Variants in ARPP21 observed in about 807,000 individuals in gnomAD.
The protein encoded by ARPP21 is cAMP regulated phosphoprotein 21, also known as cAMP-regulated phosphoprotein 21.
ARPP21 carries 69 observed loss-of-function variants against 113.2 expected under a neutral mutation model. The ratio of observed to expected loss-of-function variants is 0.61; its 90% confidence interval spans 0.50 to 0.74. ARPP21 has a LOEUF of 0.74. Among genes scored for constraint, ARPP21 ranks in the 30% least tolerant of loss-of-function variants. The pLI is 0.00. For missense variants in ARPP21, 1,070 were observed against 1,037.4 expected (o/e 1.03, Z -0.43); for synonymous variants, 368 against 375.5 (o/e 0.98, Z 0.23).
intron 8 of ARPP21, among the ~76,000 whole-genome samples, chr3:35,690,460 T>A (rs1199073952): frequency 6.6e-6 from 1 of 151,486 alleles, no homozygotes; most frequent in Admixed American, 6.6e-5. Context: ...CTGGCTGCAG[T>A]CAGTTATGCC....
intron 19 of ARPP21, among the ~76,000 whole-genome samples, chr3:35,759,007 A>T (rs2095667220): frequency 6.6e-6 from 1 of 151,996 alleles, no homozygotes; most frequent in African/African-American, 2.4e-5. Context: ...ATATATTTTA[A>T]ACTCTGGCAG....
In ARPP21 at chr3:35,640,556, T is replaced by C. The variant is rs952066586; in HGVS notation, c.-213+158T>C. 2.0e-5 allele frequency among the ~76,000 whole-genome samples: 3 copies of C among 152,166 alleles called. No individual in the cohort carries two copies. The South Asian group carries it at 6.2e-4, about 32-fold the overall frequency. ...TAGAAAGCTGATGTTGTTATACATG[T>C]ATTGTGTTTTTTATGTTTCGTCAAG... On this transcript the variant is annotated intron_variant, in intron 1 of 20. Coordinates refer to ENST00000684406, the MANE Select transcript of ARPP21 (RefSeq NM_001385562.1).
At chr3:35,743,024 TAAG>T (rs2094770793) in intron 18 of ARPP21, among the ~76,000 whole-genome samples, 2 of 152,234 alleles carry the variant, frequency 1.3e-5, no homozygotes. Flanking sequence ...ATAAGAAAGT[TAAG>T]AAGGTAGCAT....
In ARPP21 at chr3:35,668,031, A is replaced by C. The variant is rs188081193; in HGVS notation, c.-212-11756A>C. On this transcript the variant is annotated intron_variant, in intron 1 of 20. Transcript: ENST00000684406. Reference sequence around the variant, plus strand: ...AAGAAGAAGAAGAAGAAGAAGAAGAAGGAGAAGAAGAAGAAAGAAGAAAGT... The same window carrying C: ...AAGAAGAAGAAGAAGAAGAAGAAGACGGAGAAGAAGAAGAAAGAAGAAAGT... Among the ~76,000 whole-genome samples, 9 of 145,632 alleles carry C rather than the reference A, an allele frequency of 6.2e-5. No homozygotes were observed. In the South Asian group the frequency reaches 8.6e-4, roughly 14 times the overall value.
At chr3:35,667,712 T>C (rs763890604) in intron 1 of ARPP21, among the ~76,000 whole-genome samples, 2 of 151,878 alleles carry the variant, frequency 1.3e-5, no homozygotes, top group South Asian at 2.1e-4. Context: ...TAGTCTTAAA[T>C]TGGATCATAA....
chr3:35,684,906 A>G, intron 5 of ARPP21: 1 of 985,070 alleles, frequency 1.0e-6, no homozygotes, highest in Non-Finnish European at 1.2e-6. Context: ...GCTTTATTTT[A>G]CTTGGGCTCT....
At chr3:35,694,986 GAA>G (rs2083420858) in intron 9 of ARPP21, among the ~76,000 whole-genome samples, 1 of 146,856 alleles carries the variant, frequency 6.8e-6, no homozygotes, top group Non-Finnish European at 1.5e-5. Context: ...AAATAAATAT[GAA>G]GTTTAAATAA....
chr3:35,729,296 A>G lies in ARPP21; in HGVS notation c.1226-7A>G, dbSNP rs1034326347. 1 of 1,605,766 alleles carries G rather than the reference A, an allele frequency of 6.2e-7. No individual in the cohort carries two copies. The highest frequency in any genetic ancestry group is 8.5e-7 in the Non-Finnish European group (1 of 1,172,546). On this transcript the variant is annotated splice_polypyrimidine_tract_variant and splice_region_variant and intron_variant, in intron 14 of 20. Coordinates refer to ENST00000684406, the MANE Select transcript of ARPP21 (RefSeq NM_001385562.1). ...TCAATGATTTGTTGATTGTATCCCT[A>G]TGCCAGGTTCCGAGTCTTCCAGCAG...
intron 1 of ARPP21, among the ~76,000 whole-genome samples, chr3:35,670,480 T>A (rs920114988): frequency 4.6e-5 from 7 of 152,104 alleles, no homozygotes; most frequent in Non-Finnish European, 8.8e-5. Flanking sequence ...AGGTAGAGCA[T>A]GCTCCTGTGA....
At chr3:35,706,687 G>T (rs948249255) in intron 9 of ARPP21, among the ~76,000 whole-genome samples, 15 of 152,268 alleles carry the variant, frequency 9.9e-5, no homozygotes, top group Admixed American at 9.2e-4. Context: ...AATAACTAAA[G>T]AAAACATCTA....
chr3:35,697,076 T>A (rs2084348000), intron 9 of ARPP21, among the ~76,000 whole-genome samples: 1 of 151,618 alleles, frequency 6.6e-6, no homozygotes, highest in South Asian at 2.1e-4. Context: ...GCAATGAGAA[T>A]CCCATGTATT....
At chr3:35,710,111 G>C (rs1172271116) in intron 11 of ARPP21, among the ~76,000 whole-genome samples, 1 of 151,800 alleles carries the variant, frequency 6.6e-6, no homozygotes, top group Non-Finnish European at 1.5e-5. Context: ...TTTATATCCC[G>C]CCCCCTACAA....
intron 19 of ARPP21, among the ~76,000 whole-genome samples, chr3:35,771,024 T>C (rs2096180827): frequency 6.6e-6 from 1 of 152,196 alleles, no homozygotes; most frequent in African/African-American, 2.4e-5. Flanking sequence ...ATTTTTAACC[T>C]GAAGAAACTG....
Position 35,792,377 on chromosome 3 carries a change from C to T in ARPP21, c.2138-5C>T, listed in dbSNP as rs771346632. Reference sequence around the variant, plus strand: ...ACCAGTTCAAAAGATCTCTTTTCTTCGCAGGTTACCAGCCAGTCTTGTCTG... The same window carrying T: ...ACCAGTTCAAAAGATCTCTTTTCTTTGCAGGTTACCAGCCAGTCTTGTCTG... On this transcript the variant is annotated splice_polypyrimidine_tract_variant and splice_region_variant and intron_variant, in intron 19 of 20. Coordinates refer to ENST00000684406, the MANE Select transcript of ARPP21 (RefSeq NM_001385562.1). The T allele has an allele frequency of 4.0e-5, 64 of 1,613,410 alleles. No individual in the cohort carries two copies. Among genetic ancestry groups the T allele is most frequent in the Non-Finnish European group, 4.8e-5 (57 of 1,179,594 alleles).
At chr3:35,717,379 A>C (rs775847776) in intron 13 of ARPP21, 22 bp downstream of exon 13, 3 of 1,502,054 alleles carry the variant, frequency 2.0e-6, no homozygotes, top group Non-Finnish European at 2.8e-6. Flanking sequence ...TTACTTTCTT[A>C]AACTGTGTTT....
At chr3:35,655,836 T>C (rs1203043401) in intron 1 of ARPP21, among the ~76,000 whole-genome samples, 1 of 152,000 alleles carries the variant, frequency 6.6e-6, no homozygotes, top group Admixed American at 6.6e-5. Flanking sequence ...CACCTGAAGG[T>C]TTATTGAAAT....
At chr3:35,760,244 C>T (rs1266188854) in intron 19 of ARPP21, among the ~76,000 whole-genome samples, 1 of 152,018 alleles carries the variant, frequency 6.6e-6, no homozygotes, top group Admixed American at 6.6e-5. Context: ...CTCAGTAATG[C>T]CAGCTCTCAG....
At chr3:35,706,938 A>G (rs2089334719) in intron 9 of ARPP21, 36 bp from the exon 10 acceptor site, 2 of 1,539,544 alleles carry the variant, frequency 1.3e-6, no homozygotes, top group East Asian at 4.5e-5. Flanking sequence ...CAAGGGGGAA[A>G]AACTTTTTTA....
intron 19 of ARPP21, among the ~76,000 whole-genome samples, chr3:35,760,480 A>G (rs1358860055): frequency 6.6e-6 from 1 of 152,010 alleles, no homozygotes; most frequent in Admixed American, 6.6e-5. Flanking sequence ...AACCTCTTTG[A>G]AATCACCACA....
Sources: allele counts gnomAD v4.1 joint callset (sites outside exome capture counted in the v4.1 genomes callset), GRCh38; gene constraint gnomAD v4.1.1; transcripts MANE v1.5; gene names NCBI Gene and HGNC (gene_info 2026-07-23, HGNC 2026-07-21).